The following SNX29 variants were observed in gnomAD, a reference collection of about 807,000 sequenced individuals.
SNX29 encodes sorting nexin 29, also known as sorting nexin-29.
Under a neutral mutation model 102.1 loss-of-function variants are expected in SNX29, and 78 were observed. The ratio of observed to expected loss-of-function variants is 0.76; its 90% confidence interval spans 0.64 to 0.92. The LOEUF is 0.92. Ranked by LOEUF, SNX29 falls within the 40% of genes least tolerant of loss-of-function variation. SNX29 has a pLI of 0.00. For missense variants in SNX29, 1,280 were observed against 1,061.7 expected (o/e 1.21, Z -2.86); for synonymous variants, 580 against 414.5 (o/e 1.40, Z -4.85).
At chr16:12,304,537 C>G (rs920416936) in intron 15 of SNX29, among the ~76,000 whole-genome samples, 1 of 152,176 alleles carries the variant, frequency 6.6e-6, no homozygotes, top group South Asian at 2.1e-4. Context: ...AATCTTTGTC[C>G]TTTTCTGGCC....
At chr16:12,092,183 G>C (rs2052581521) in intron 11 of SNX29, among the ~76,000 whole-genome samples, 1 of 152,006 alleles carries the variant, frequency 6.6e-6, no homozygotes, top group African/African-American at 2.4e-5. Context: ...CCCCCACTGG[G>C]ATACAAGCTC....
intron 7 of SNX29, 99 bp from the exon 8 acceptor site, chr16:12,051,748 C>T (rs2050311932): frequency 5.4e-6 from 8 of 1,481,296 alleles, no homozygotes; most frequent in Admixed American, 2.4e-5. Context: ...ATTTCTCACT[C>T]GAATAGTATT....
intron 14 of SNX29, among the ~76,000 whole-genome samples, chr16:12,227,870 A>G (rs1321721824): frequency 7.4e-6 from 1 of 134,732 alleles, no homozygotes; most frequent in Admixed American, 8.7e-5. Flanking sequence ...AGTGCACTGC[A>G]GCCTGGGCAA....
At chr16:12,323,086 G>GGTCACTGGA in intron 15 of SNX29, among the ~76,000 whole-genome samples, 1 of 137,844 alleles carries the variant, frequency 7.3e-6, no homozygotes, top group African/African-American at 2.9e-5. Flanking sequence ...GTCAGGATGC[G>GGTCACTGGA]GTCACTGGAG....
At chr16:12,152,617 C>T (rs2055347238) in intron 13 of SNX29, among the ~76,000 whole-genome samples, 4 of 152,192 alleles carry the variant, frequency 2.6e-5, no homozygotes, top group Admixed American at 2.6e-4. Context: ...TTCTGAGGCT[C>T]TTTCCATTTT....
chr16:12,432,114 G>C (rs1380322685), intron 18 of SNX29, among the ~76,000 whole-genome samples: 2 of 152,198 alleles, frequency 1.3e-5, no homozygotes, highest in Non-Finnish European at 2.9e-5. Flanking sequence ...GAGGACACAG[G>C]GGTGGAGGCT....
intron 16 of SNX29, among the ~76,000 whole-genome samples, chr16:12,392,379 A>C (rs920986254): frequency 1.2e-4 from 18 of 152,172 alleles, no homozygotes; most frequent in African/African-American, 4.1e-4. Flanking sequence ...GTAGATGTCC[A>C]TTCTTAGTGA....
chr16:12,238,991 C>A (rs115673154), intron 14 of SNX29, among the ~76,000 whole-genome samples: 1 of 152,212 alleles, frequency 6.6e-6, no homozygotes, highest in African/African-American at 2.4e-5. Flanking sequence ...GACTCTCCCC[C>A]GCTAACTGTC....
intron 10 of SNX29, among the ~76,000 whole-genome samples, chr16:12,070,257 A>G (rs2051233277): frequency 6.6e-6 from 1 of 151,318 alleles, no homozygotes; most frequent in South Asian, 2.1e-4. Flanking sequence ...TACATGTGCC[A>G]TGCTGGTGTG....
At chr16:12,024,443 G>A (rs2057131728) in intron 3 of SNX29, among the ~76,000 whole-genome samples, 1 of 152,208 alleles carries the variant, frequency 6.6e-6, no homozygotes, top group Non-Finnish European at 1.5e-5. Context: ...ACCGCACCCA[G>A]TCGAGATCTG....
chr16:12,034,045 G>A (rs943801143), intron 4 of SNX29, among the ~76,000 whole-genome samples: 1 of 152,146 alleles, frequency 6.6e-6, no homozygotes, highest in Non-Finnish European at 1.5e-5. Flanking sequence ...TGGTCTGTAC[G>A]CATCTTCAGT....
chr16:12,566,747 C>T (rs529503572), intron 20 of SNX29, among the ~76,000 whole-genome samples: 1 of 152,172 alleles, frequency 6.6e-6, no homozygotes, highest in Non-Finnish European at 1.5e-5. Context: ...GGGCCTGCAG[C>T]CAGACACCCA....
At chr16:12,322,879 A>ACCACTGTCAGGATGCG (rs2080989038) in intron 15 of SNX29, among the ~76,000 whole-genome samples, 1 of 35,614 alleles carries the variant, frequency 2.8e-5, no homozygotes, top group African/African-American at 1.3e-4. Flanking sequence ...CGGTCACTGG[A>ACCACTGTCAGGATGCG]GTCACTGGGG....
chr16:12,563,259 G>C (rs1216340054), intron 20 of SNX29, among the ~76,000 whole-genome samples: 1 of 152,124 alleles, frequency 6.6e-6, no homozygotes, highest in African/African-American at 2.4e-5. Context: ...CCCCGCCCAG[G>C]TAGCAGAGGA....
intron 13 of SNX29, among the ~76,000 whole-genome samples, chr16:12,162,125 G>C (rs1476457978): frequency 3.3e-5 from 5 of 152,028 alleles, no homozygotes; most frequent in Non-Finnish European, 7.4e-5. Flanking sequence ...GAAACACCAG[G>C]CTTGTTCCAA....
intron 13 of SNX29, among the ~76,000 whole-genome samples, chr16:12,161,283 A>G (rs1325510515): frequency 6.6e-6 from 1 of 151,184 alleles, no homozygotes; most frequent in East Asian, 1.9e-4. Flanking sequence ...TTCCCTTTCC[A>G]CTCTCTTCTT....
At chr16:12,004,692 C>T (rs1231358166) in intron 3 of SNX29, among the ~76,000 whole-genome samples, 1 of 152,126 alleles carries the variant, frequency 6.6e-6, no homozygotes, top group Non-Finnish European at 1.5e-5. Flanking sequence ...CCTTTCCTAC[C>T]CTTGTTCTTT....
chr16:12,474,299 C>G (rs764641505), intron 18 of SNX29, among the ~76,000 whole-genome samples: 3 of 152,126 alleles, frequency 2.0e-5, no homozygotes, highest in African/African-American at 7.2e-5. Context: ...AATAGGTGGG[C>G]GGATCCTGGG....
intron 18 of SNX29, among the ~76,000 whole-genome samples, chr16:12,471,549 T>G (rs549056689): frequency 2.6e-5 from 4 of 152,288 alleles, no homozygotes; most frequent in African/African-American, 9.6e-5. Context: ...GATGCTGACG[T>G]ATGACGATGT....
Sources: gnomAD v4.1 joint callset for allele counts (sites outside exome capture counted in the v4.1 genomes callset) on GRCh38, gnomAD v4.1.1 for gene constraint, MANE v1.5 for transcripts, NCBI Gene and HGNC (gene_info 2026-07-23, HGNC 2026-07-21) for gene names.